The following RLF variants were observed in gnomAD, a reference collection of about 807,000 sequenced individuals.
RLF encodes the protein RLF zinc finger.
RLF carries 7 observed loss-of-function variants against 162.9 expected under a neutral mutation model. That is an observed-to-expected ratio of 0.04 (90% CI 0.02 to 0.08). RLF has a LOEUF of 0.08. Ranked by LOEUF, RLF falls within the 10% of genes least tolerant of loss-of-function variation. The pLI is 1.00. For missense variants in RLF, 1,664 were observed against 2,244.7 expected (o/e 0.74, Z 5.23); for synonymous variants, 782 against 791.5 (o/e 0.99, Z 0.20).
chr1:40,195,283 T>C (rs553922330), intron 3 of RLF, among the ~76,000 whole-genome samples: 85 of 152,018 alleles, frequency 5.6e-4, no homozygotes, highest in Non-Finnish European at 1.8e-4. Context: ...ACCCTGTCTC[T>C]ACTAAAAATA....
intron 5 of RLF, among the ~76,000 whole-genome samples, chr1:40,208,284 T>C (rs1026865829): frequency 6.6e-6 from 1 of 152,232 alleles, no homozygotes; most frequent in Non-Finnish European, 1.5e-5. Flanking sequence ...GGACAACATG[T>C]AGTTTCCTCA....
chr1:40,163,485 C>T (rs1462376523), intron 1 of RLF, among the ~76,000 whole-genome samples: 1 of 152,286 alleles, frequency 6.6e-6, no homozygotes, highest in East Asian at 1.9e-4. Flanking sequence ...GTGCTTGCAA[C>T]TGCAGTTTTG....
At chr1:40,218,531 A>T (rs919117731) in intron 5 of RLF, among the ~76,000 whole-genome samples, 1 of 152,206 alleles carries the variant, frequency 6.6e-6, no homozygotes, top group Admixed American at 6.5e-5. Context: ...TACATCAGAT[A>T]ACCTTTTCCC....
Position 40,202,663 on chromosome 1 carries a change from T to TTA in RLF, c.810+59_810+60dup, listed in dbSNP as rs113432466. 3.5e-5 allele frequency: 37 copies of TTA among 1,070,564 alleles called. 1 individual carries two copies. The highest frequency in any genetic ancestry group is 1.7e-4 in the African/African-American group (10 of 58,664). 66.3% of individuals were successfully genotyped at this position (1,070,564 alleles called of 1,614,324 possible). A position where few individuals can be genotyped will look rare whatever the true frequency, so the allele number is the denominator to read the frequency against. On this transcript the variant is annotated intron_variant, in intron 5 of 7. Coordinates refer to ENST00000372771, the MANE Select transcript of RLF (RefSeq NM_012421.4). ...CAAACTTGGTATTAATTTAATAGATTTATATATATATTGCATGGTTTATTT... is the reference window on the plus strand; with the variant it reads ...CAAACTTGGTATTAATTTAATAGATTTATATATATATATTGCATGGTTTATTT...
At chr1:40,224,241 A>G (rs1481097687) in intron 6 of RLF, among the ~76,000 whole-genome samples, 1 of 151,958 alleles carries the variant, frequency 6.6e-6, no homozygotes, top group Non-Finnish European at 1.5e-5. Flanking sequence ...AAGGAAAGAA[A>G]ATCTTAGTCA....
chr1:40,177,401 T>G (rs1642342267), intron 1 of RLF, among the ~76,000 whole-genome samples: 1 of 151,732 alleles, frequency 6.6e-6, no homozygotes, highest in Admixed American at 6.6e-5. Flanking sequence ...ACCATTCTCC[T>G]GCCTCAGCTT....
chr1:40,210,459 TAAATA>T (rs1642851298), intron 5 of RLF, among the ~76,000 whole-genome samples: 1 of 152,186 alleles, frequency 6.6e-6, no homozygotes, highest in Non-Finnish European at 1.5e-5. Context: ...CACTGGAGAA[TAAATA>T]CCCTGCTTAG....
At chr1:40,166,090 G>A (rs1463871278) in intron 1 of RLF, among the ~76,000 whole-genome samples, 1 of 152,100 alleles carries the variant, frequency 6.6e-6, no homozygotes, top group African/African-American at 2.4e-5. Flanking sequence ...ACATAAACGT[G>A]GTGCCTACAT....
At chr1:40,204,027 CCTCT>C (rs1275091549) in intron 5 of RLF, among the ~76,000 whole-genome samples, 1 of 149,616 alleles carries the variant, frequency 6.7e-6, no homozygotes, top group Admixed American at 6.6e-5. Flanking sequence ...AGCGAGAGGT[CCTCT>C]CTCTTTTTTT....
intron 3 of RLF, among the ~76,000 whole-genome samples, chr1:40,194,166 G>T (rs1570534039): frequency 1.1e-5 from 1 of 93,826 alleles, no homozygotes; most frequent in South Asian, 3.2e-4. Context: ...TGAGTTAATA[G>T]ACTTTTCAGG....
chr1:40,172,916 A>G (rs1488511671), intron 1 of RLF, among the ~76,000 whole-genome samples: 1 of 152,186 alleles, frequency 6.6e-6, no homozygotes, highest in Non-Finnish European at 1.5e-5. Context: ...ACTTGCCTAC[A>G]AAAAGTTGAA....
chr1:40,238,393 C>T lies in RLF; in HGVS notation c.3691C>T (p.Leu1231Phe). 1.2e-6 allele frequency: 2 copies of T among 1,614,168 alleles called. No homozygotes were observed. ...GTTGAAAGGTGATTGTTCTGCAGAA[C>T]TTGGAGGTGATCCCAGTAGTAACTC... is the stretch of plus-strand genomic sequence containing the variant. ...DRLKGDCSAE[L>F]GGDPSSNSEK... Residue 1231 changes from leucine (L) to phenylalanine (F), a missense_variant, in exon 8 of 8, where the codon CTT (leucine) becomes TTT (phenylalanine). Leu to Phe is a conservative substitution (Grantham distance 22, BLOSUM62 0). This residue lies in a region of RLF where 102 missense variants were observed against 109.5 expected (regional missense o/e 0.93). Transcript: ENST00000372771. This position sits in a 1 kb window ranked among gnomAD's most constrained non-coding sequence, Gnocchi z 5.2.
intron 1 of RLF, among the ~76,000 whole-genome samples, chr1:40,173,226 G>A (rs1311958823): frequency 2.6e-5 from 4 of 151,778 alleles, no homozygotes; most frequent in Non-Finnish European, 4.4e-5. Context: ...ACAGGCATGC[G>A]CCACCACGCC....
chr1:40,223,676 TTTG>T (rs1643023996), intron 6 of RLF, among the ~76,000 whole-genome samples: 1 of 152,250 alleles, frequency 6.6e-6, no homozygotes, highest in Non-Finnish European at 1.5e-5. Flanking sequence ...TATATTTCTT[TTTG>T]TTTATTATTT....
At chr1:40,224,395 G>A (rs919612766) in intron 6 of RLF, among the ~76,000 whole-genome samples, 3 of 140,452 alleles carry the variant, frequency 2.1e-5, no homozygotes, top group Non-Finnish European at 4.5e-5. Context: ...TGCAACCTCC[G>A]CCTCCCGAGT....
intron 5 of RLF, among the ~76,000 whole-genome samples, chr1:40,216,786 GT>G (rs1474030527): frequency 6.6e-6 from 1 of 152,130 alleles, no homozygotes; most frequent in Non-Finnish European, 1.5e-5. Context: ...CAGGTACGGT[GT>G]CTCACGCCTG....
chr1:40,186,548 T>C (rs1642483133), intron 1 of RLF, among the ~76,000 whole-genome samples: 1 of 152,218 alleles, frequency 6.6e-6, no homozygotes, highest in South Asian at 2.1e-4. Flanking sequence ...AAGAGCGTTC[T>C]AAGTGGACAG....
intron 4 of RLF, among the ~76,000 whole-genome samples, chr1:40,198,337 T>A (rs1642666397): frequency 7.0e-6 from 1 of 143,334 alleles, no homozygotes; most frequent in Non-Finnish European, 1.5e-5. Flanking sequence ...AGCGTTTCAC[T>A]CTTGTTGCCC....
At chr1:40,185,517 T>TAAAAAAAA (rs769379758) in intron 1 of RLF, among the ~76,000 whole-genome samples, 1 of 23,748 alleles carries the variant, frequency 4.2e-5, no homozygotes, top group Admixed American at 8.7e-4. Flanking sequence ...AATCTTGCAT[T>TAAAAAAAA]AAAAAAAAAA....
Sources: allele counts gnomAD v4.1 joint callset (sites outside exome capture counted in the v4.1 genomes callset), GRCh38; gene constraint gnomAD v4.1.1; regional missense constraint gnomAD v4.1.1; non-coding constraint Gnocchi (gnomAD v3.1); transcripts MANE v1.5; gene names NCBI Gene and HGNC (gene_info 2026-07-23, HGNC 2026-07-21).